Variants in FGGY observed in about 807,000 individuals in gnomAD.
The protein encoded by FGGY is FGGY carbohydrate kinase domain containing, also known as FGGY carbohydrate kinase domain-containing protein.
Under a neutral mutation model 71.3 loss-of-function variants are expected in FGGY, and 72 were observed. The ratio of observed to expected loss-of-function variants is 1.01; its 90% CI spans 0.84 to 1.23. The LOEUF is 1.23. Among genes scored for constraint, FGGY ranks in the 50% most tolerant of loss-of-function variants. The probability of loss-of-function intolerance (pLI) is 0.00; values close to 1 mark genes in which losing one functional copy is unlikely to be tolerated. For synonymous variants in FGGY, 251 were observed against 250.3 expected (o/e 1.00, Z -0.02); for missense variants, 668 against 682.3 (o/e 0.98, Z 0.23).
intron 8 of FGGY, 55 bp downstream of exon 8, chr1:59,554,282 A>C: frequency 7.1e-7 from 1 of 1,403,148 alleles, no homozygotes; most frequent in Non-Finnish European, 1.0e-6. Flanking sequence ...GTAGCCTGGA[A>C]GGAGACCCTG....
chr1:59,680,310 A>T (rs1026228005), intron 14 of FGGY, among the ~76,000 whole-genome samples: 25 of 152,082 alleles, frequency 1.6e-4, no homozygotes, highest in Admixed American at 2.6e-4. Context: ...CCTGTCCCAT[A>T]TGTCAGTGTC....
chr1:59,567,569 G>T (rs1280081944), intron 8 of FGGY, among the ~76,000 whole-genome samples: 2 of 151,966 alleles, frequency 1.3e-5, no homozygotes, highest in African/African-American at 2.4e-5. Context: ...CTGTTTGCAT[G>T]ATAAAATTAC....
At chr1:59,585,203 C>T (rs2096263675) in intron 8 of FGGY, among the ~76,000 whole-genome samples, 1 of 152,200 alleles carries the variant, frequency 6.6e-6, no homozygotes, top group Non-Finnish European at 1.5e-5. Flanking sequence ...AAAGAGCCCA[C>T]ATTGCCAAGT....
At chr1:59,669,380 G>GC (rs1402549941) in intron 13 of FGGY, among the ~76,000 whole-genome samples, 1 of 151,998 alleles carries the variant, frequency 6.6e-6, no homozygotes, top group Non-Finnish European at 1.5e-5. Flanking sequence ...ATAGAAGTGG[G>GC]CCGTTCAAAG....
intron 4 of FGGY, among the ~76,000 whole-genome samples, chr1:59,358,116 G>A (rs762426201): frequency 2.6e-5 from 4 of 152,198 alleles, no homozygotes; most frequent in Non-Finnish European, 5.9e-5. Context: ...AACTCATAGC[G>A]TGTAAACTGT....
intron 14 of FGGY, among the ~76,000 whole-genome samples, chr1:59,728,261 G>T (rs979464783): frequency 6.6e-6 from 1 of 151,802 alleles, no homozygotes; most frequent in African/African-American, 2.4e-5. Flanking sequence ...TCTAAGTCTG[G>T]CTTCAGATAA....
At position 59,583,934 on chromosome 1, in the gene FGGY, T is replaced by G. The variant is rs140690288; in HGVS notation, c.904-23869T>G. 6.0e-4 allele frequency among the ~76,000 whole-genome samples: 70 copies of G among 116,098 alleles called. 11 individuals are homozygous for G. Among genetic ancestry groups the G allele is most frequent in the African/African-American group, 2.2e-3 (65 of 29,210 alleles). 76.2% of individuals were successfully genotyped at this position (116,098 alleles called of 152,430 possible). On this transcript the variant is annotated intron_variant, in intron 8 of 15. Transcript: ENST00000303721. ...ACAGCTAACCACTGCTGCTCGGAAG[T>G]GTCGACGGCTCACCACTTATGTGTT...
At chr1:59,645,515 T>C (rs958207317) in intron 11 of FGGY, among the ~76,000 whole-genome samples, 2 of 152,200 alleles carry the variant, frequency 1.3e-5, no homozygotes, top group African/African-American at 4.8e-5. Context: ...GCTCTTGAGA[T>C]TGATCTTCTT....
chr1:59,362,089 A>G (rs1231583125), intron 4 of FGGY, among the ~76,000 whole-genome samples: 2 of 151,830 alleles, frequency 1.3e-5, no homozygotes, highest in African/African-American at 2.4e-5. Context: ...TCCTGCTGTT[A>G]TTTCCCACAC....
rs147471303 is a variant in FGGY at position 59,472,920 on chromosome 1, A to T, written c.670+15844A>T. Among the ~76,000 whole-genome samples, 21 of 152,218 alleles carry T rather than the reference A, an allele frequency of 1.4e-4. No homozygotes were observed. The South Asian group carries it at 3.3e-3, about 24-fold the overall frequency. The stretch of plus-strand genomic sequence containing the variant: ...ACCAATCAACACTCTGTATCTAGCT[A>T]CTCTGGTGGGGACTTGGAGAACCTT... On this transcript the variant is annotated intron_variant, in intron 6 of 15. Coordinates refer to ENST00000303721, the MANE Select transcript of FGGY (RefSeq NM_018291.5).
intron 6 of FGGY, among the ~76,000 whole-genome samples, chr1:59,476,124 T>A (rs2093254446): frequency 6.6e-6 from 1 of 152,184 alleles, no homozygotes; most frequent in South Asian, 2.1e-4. Flanking sequence ...CTCAAAATAT[T>A]CACATGGTCT....
At chr1:59,652,780 G>T (rs1282692559) in intron 11 of FGGY, among the ~76,000 whole-genome samples, 1 of 152,088 alleles carries the variant, frequency 6.6e-6, no homozygotes, top group Admixed American at 6.5e-5. Flanking sequence ...ATCCAGCTTT[G>T]TTCCGTTGCT....
chr1:59,645,703 T>G (rs1262125161), intron 11 of FGGY, among the ~76,000 whole-genome samples: 1 of 152,180 alleles, frequency 6.6e-6, no homozygotes, highest in Non-Finnish European at 1.5e-5. Context: ...TGTTTGGGAT[T>G]TTTAAAAATT....
At chr1:59,605,523 A>G (rs1345276597) in intron 8 of FGGY, among the ~76,000 whole-genome samples, 3 of 152,210 alleles carry the variant, frequency 2.0e-5, no homozygotes, top group Non-Finnish European at 2.9e-5. Context: ...GTAAATGTAT[A>G]TGTTAATCTA....
intron 5 of FGGY, among the ~76,000 whole-genome samples, chr1:59,433,140 A>G (rs2067730201): frequency 6.6e-6 from 1 of 152,214 alleles, no homozygotes; most frequent in Non-Finnish European, 1.5e-5. Flanking sequence ...ATTTTGGGCC[A>G]GATAATTCTT....
At chr1:59,343,725 A>C (rs1487552645) in intron 3 of FGGY, among the ~76,000 whole-genome samples, 1 of 151,974 alleles carries the variant, frequency 6.6e-6, no homozygotes, top group East Asian at 1.9e-4. Context: ...TTAACTTCTC[A>C]GTTTTTATCT....
rs71046329 is a variant in FGGY at position 59,324,266 on chromosome 1, C to CTTTTT, written c.201+2540_201+2544dup. ...CTTCATTTTATCCTTATAATAACTA[C>CTTTTT]TTTTTTTTTTTTTTTTTTTTTTTTT... On this transcript the variant is annotated intron_variant, in intron 2 of 15. Coordinates refer to ENST00000303721, the MANE Select transcript of FGGY (RefSeq NM_018291.5). 2.9e-4 allele frequency among the ~76,000 whole-genome samples: 23 copies of CTTTTT among 78,132 alleles called. 2 individuals carry two copies. The highest frequency in any genetic ancestry group is 3.9e-4 in the Non-Finnish European group (16 of 40,722). 51.3% of individuals were successfully genotyped at this position (78,132 alleles called of 152,430 possible).
intron 11 of FGGY, 77 bp from the exon 12 acceptor site, chr1:59,660,142 G>T (rs1374628420): frequency 7.8e-7 from 1 of 1,289,352 alleles, no homozygotes. Flanking sequence ...ACATCTGAAC[G>T]TATTTCATGG....
chr1:59,312,722 G>A (rs1003085312), intron 1 of FGGY, among the ~76,000 whole-genome samples: 10 of 152,156 alleles, frequency 6.6e-5, no homozygotes. Flanking sequence ...CCAAGTTTGG[G>A]TTTTATGTTT....
Sources: allele counts gnomAD v4.1 joint callset (sites outside exome capture counted in the v4.1 genomes callset), GRCh38; gene constraint gnomAD v4.1.1; transcripts MANE v1.5; gene names NCBI Gene and HGNC (gene_info 2026-07-23, HGNC 2026-07-21).